Variants in JADE1 observed in about 807,000 individuals in gnomAD.
JADE1 encodes the protein jade family PHD finger 1, also known as protein Jade-1.
A neutral mutation model predicts 81.8 loss-of-function variants in JADE1; 14 were observed. The observed-to-expected ratio is 0.17, with a 90% CI of 0.11 to 0.27. The LOEUF is 0.27. Ranked by LOEUF, JADE1 falls within the 10% of genes least tolerant of loss-of-function variation. The probability of loss-of-function intolerance (pLI) is 1.00; values close to 1 mark genes in which losing one functional copy is unlikely to be tolerated. For synonymous variants in JADE1, 353 were observed against 391.9 expected (o/e 0.90, Z 1.17); for missense variants, 690 against 1,047.9 (o/e 0.66, Z 4.71).
At chr4:128,837,180 G>A (rs1729054405) in intron 2 of JADE1, among the ~76,000 whole-genome samples, 1 of 152,186 alleles carries the variant, frequency 6.6e-6, no homozygotes, top group South Asian at 2.1e-4. Context: ...CTGCACCTGA[G>A]CTAGGGTGGA....
chr4:128,846,666 A>G lies in JADE1; in HGVS notation c.296+134A>G. The G allele has an allele frequency of 1.1e-6, 1 of 913,602 alleles. No individual in the cohort carries two copies. Among genetic ancestry groups the G allele is most frequent in the Non-Finnish European group, 1.6e-6 (1 of 617,692 alleles). 56.6% of individuals were successfully genotyped at this position (913,602 alleles called of 1,614,324 possible). The stretch of plus-strand genomic sequence containing the variant: ...TAGCATTAAAATATCATGAGGCCTC[A>G]AGTGGAAATAGAAATTCAGGAGCAA... On this transcript the variant is annotated intron_variant, in intron 4 of 10. Transcript: ENST00000226319. The surrounding 1 kb of genome is among the most constrained non-coding windows in gnomAD (Gnocchi z 4.0).
intron 9 of JADE1, among the ~76,000 whole-genome samples, chr4:128,866,679 T>C (rs1170777630): frequency 6.6e-6 from 1 of 152,170 alleles, no homozygotes; most frequent in Non-Finnish European, 1.5e-5. Context: ...GGGAAAAAAT[T>C]ATAAAGGTGT....
intron 1 of JADE1, 158 bp from the exon 2 acceptor site, chr4:128,831,575 A>C: frequency 3.2e-6 from 2 of 618,278 alleles, no homozygotes; most frequent in South Asian, 4.0e-5. Context: ...ATTGCACCTA[A>C]TTATGTATCT....
rs139559403 is a variant in JADE1 at position 128,834,604 on chromosome 4, G to A, written c.52+2794G>A. Among the ~76,000 whole-genome samples the A allele has an allele frequency of 9.1e-3, 1,335 of 146,238 alleles. 16 individuals are homozygous for A. The highest frequency in any genetic ancestry group is 0.033 in the African/African-American group (1,270 of 38,742). On this transcript the variant is annotated intron_variant, in intron 2 of 10. Transcript: ENST00000226319. Reference sequence around the variant, plus strand: ...GGCTGGAGTACAGTGGCATGATCTCGGCTCACTGCAAGCTCTGCCTCCTGG... The same window carrying A: ...GGCTGGAGTACAGTGGCATGATCTCAGCTCACTGCAAGCTCTGCCTCCTGG...
intron 7 of JADE1, 74 bp from the exon 8 acceptor site, chr4:128,857,264 C>G: frequency 8.9e-7 from 1 of 1,124,760 alleles, no homozygotes; most frequent in South Asian, 1.3e-5. Flanking sequence ...AGTAATGGAT[C>G]TTTTAGTTTC....
In JADE1 at chr4:128,861,756, G is replaced by A. The variant is rs1209924861; in HGVS notation, c.1034G>A (p.Arg345Gln). 14 of 1,614,150 alleles carry A rather than the reference G, an allele frequency of 8.7e-6. No homozygotes were observed. Among genetic ancestry groups the A allele is most frequent in the Non-Finnish European group, 1.1e-5 (13 of 1,180,018 alleles). Residue 345 changes from arginine (R) to glutamine (Q), a missense_variant, in exon 9 of 11, where the codon CGG becomes CAG. Transcript: ENST00000226319. ...TAFHVTCAFD[R>Q]GLEMKTILAE... ...TTCCATGTGACCTGTGCTTTTGACC[G>A]GGGCCTGGAGATGAAGACCATCTTA...
chr4:128,861,808 G>A lies in JADE1; in HGVS notation c.1086G>A (p.Lys362=). The part of the protein sequence containing the change: ...ILAENDEVKF[K]SYCPKHSSHR... ...CAGAGAATGATGAAGTCAAGTTCAA[G>A]TCCTATTGCCCAAAGCACAGCTCAC... The change falls in exon 9 of 11, where the codon AAG becomes AAA. Residue 362 remains lysine (K), a synonymous_variant. Coordinates refer to ENST00000226319, the MANE Select transcript of JADE1 (RefSeq NM_199320.4). The A allele has an allele frequency of 1.2e-6, 2 of 1,614,204 alleles. No homozygotes were observed. Among genetic ancestry groups the A allele is most frequent in the Non-Finnish European group, 1.7e-6 (2 of 1,180,034 alleles).
chr4:128,860,975 T>G (rs1308722901), intron 8 of JADE1, among the ~76,000 whole-genome samples: 1 of 152,128 alleles, frequency 6.6e-6, no homozygotes, highest in Non-Finnish European at 1.5e-5. Context: ...ATTCCTCTTG[T>G]CTCCTATTTT....
At chr4:128,825,579 A>C (rs1371350008) in intron 1 of JADE1, among the ~76,000 whole-genome samples, 2 of 152,078 alleles carry the variant, frequency 1.3e-5, no homozygotes, top group East Asian at 3.9e-4. Context: ...TTGCTATCTC[A>C]TGTGCATGTA....
In JADE1 at chr4:128,863,613, T is replaced by TG. The variant is rs1481221908; in HGVS notation, c.1503+1390dup. On this transcript the variant is annotated intron_variant, in intron 9 of 10. Transcript: ENST00000226319. ...CTGGGAAGGCCGCGGATTCCGGCCC[T>TG]GGAAGAGGCAGGATCCTGGAGCAGT... The TG allele has an allele frequency of 4.1e-6, 4 of 985,324 alleles. No individual in the cohort carries two copies. In the East Asian group the frequency reaches 4.5e-4, roughly 112 times the overall value. The allele number at this position is 985,324 out of a possible 1,614,324, so 61.0% of individuals were successfully genotyped here.
chr4:128,848,259 A>G (rs1579187031), intron 4 of JADE1, among the ~76,000 whole-genome samples: 1 of 151,648 alleles, frequency 6.6e-6, no homozygotes, highest in African/African-American at 2.4e-5. Flanking sequence ...GCTCACTACA[A>G]CCTCCGCCTC....
chr4:128,851,034 G>A (rs566876773), intron 5 of JADE1, among the ~76,000 whole-genome samples: 4 of 152,210 alleles, frequency 2.6e-5, no homozygotes, highest in African/African-American at 7.2e-5. Context: ...GAGTTCAAGC[G>A]ATTCTCCTGC....
intron 10 of JADE1, among the ~76,000 whole-genome samples, chr4:128,870,508 G>T (rs1264668313): frequency 6.6e-6 from 1 of 152,160 alleles, no homozygotes; most frequent in Non-Finnish European, 1.5e-5. Flanking sequence ...TCACCTGCTA[G>T]GGGTAACAAC....
At chr4:128,827,310 A>G (rs1728166360) in intron 1 of JADE1, among the ~76,000 whole-genome samples, 1 of 152,242 alleles carries the variant, frequency 6.6e-6, no homozygotes, top group Non-Finnish European at 1.5e-5. Flanking sequence ...GCAAGGTGAA[A>G]AAGTTCTAAA....
rs756179246 is a variant in JADE1 at position 128,831,817 on chromosome 4, C to G, written c.52+7C>G. 8.7e-6 allele frequency: 14 copies of G among 1,613,098 alleles called. No homozygotes were observed. Among genetic ancestry groups the G allele is most frequent in the Non-Finnish European group, 1.2e-5 (14 of 1,179,218 alleles). ...GATTCTGACGACAATGGCAGTAAGT[C>G]CTGCTTTGTTGTTCTTGGAGCCTAC... On this transcript the variant is annotated splice_region_variant and intron_variant, in intron 2 of 10. Coordinates refer to ENST00000226319, the MANE Select transcript of JADE1 (RefSeq NM_199320.4).
chr4:128,835,762 T>A (rs1728928893), intron 2 of JADE1, among the ~76,000 whole-genome samples: 2 of 152,230 alleles, frequency 1.3e-5, no homozygotes, highest in African/African-American at 4.8e-5. Context: ...AGCATGGGGC[T>A]GCAGCACGAG....
At chr4:128,837,260 G>A (rs1729060548) in intron 2 of JADE1, among the ~76,000 whole-genome samples, 1 of 152,206 alleles carries the variant, frequency 6.6e-6, no homozygotes, top group African/African-American at 2.4e-5. Flanking sequence ...TGGGCAGAAA[G>A]GAAGCCAGCT....
At chr4:128,810,788 G>C (rs1163282034) in intron 1 of JADE1, among the ~76,000 whole-genome samples, 2 of 151,908 alleles carry the variant, frequency 1.3e-5, no homozygotes. Flanking sequence ...TCCGAACTGG[G>C]CTTCCAGTGA....
At position 128,846,660 on chromosome 4, in the gene JADE1, G is replaced by C; in HGVS notation, c.296+128G>C. The C allele has an allele frequency of 1.0e-6, 1 of 953,740 alleles. No individual in the cohort carries two copies. Among genetic ancestry groups the C allele is most frequent in the Non-Finnish European group, 1.5e-6 (1 of 652,102 alleles). The allele number at this position is 953,740 out of a possible 1,614,324, so 59.1% of individuals were successfully genotyped here. A position where few individuals can be genotyped will look rare whatever the true frequency, so the allele number is the denominator to read the frequency against. ...CTGAGTTAGCATTAAAATATCATGA[G>C]GCCTCAAGTGGAAATAGAAATTCAG... On this transcript the variant is annotated intron_variant, in intron 4 of 10. Coordinates refer to ENST00000226319, the MANE Select transcript of JADE1 (RefSeq NM_199320.4). This position sits in a 1 kb window ranked among gnomAD's most constrained non-coding sequence, Gnocchi z 4.0.
Sources: gnomAD v4.1 joint callset for allele counts (sites outside exome capture counted in the v4.1 genomes callset) on GRCh38, gnomAD v4.1.1 for gene constraint, Gnocchi (gnomAD v3.1) non-coding constraint, MANE v1.5 for transcripts, NCBI Gene and HGNC (gene_info 2026-07-23, HGNC 2026-07-21) for gene names.